The following DAB2IP variants were observed in gnomAD, a reference collection of about 807,000 sequenced individuals.
DAB2IP encodes disabled homolog 2-interacting protein.
DAB2IP carries 28 observed loss-of-function variants against 107.2 expected under a neutral mutation model. The observed-to-expected ratio is 0.26, with a 90% CI of 0.19 to 0.36. The LOEUF is 0.36. Ranked by LOEUF, DAB2IP falls within the 10% of genes least tolerant of loss-of-function variation. The pLI is 1.00. For missense variants in DAB2IP, 1,400 were observed against 1,644.7 expected, an observed-to-expected ratio of 0.85 and a Z score of 2.57; for synonymous variants, 755 against 706.4, an observed-to-expected ratio of 1.07 and a Z score of -1.09.
At chr9:121,774,508 T>A in intron 13 of DAB2IP, 96 bp downstream of exon 13, 1 of 1,388,624 alleles carries the variant, frequency 7.2e-7, no homozygotes, top group East Asian at 2.5e-5. Flanking sequence ...CAACGGGTGC[T>A]GCTGTCCTTG....
chr9:121,783,300 C>G (rs1009780177), exon 16 of DAB2IP: 27 of 1,404,118 alleles, frequency 1.9e-5, no homozygotes, highest in African/African-American at 4.4e-5. Context: ...GGCTGATGCT[C>G]TAGGGCTCCC....
chr9:121,640,366 G>C (rs1832240251), intron 1 of DAB2IP, among the ~76,000 whole-genome samples: 1 of 152,102 alleles, frequency 6.6e-6, no homozygotes, highest in Admixed American at 6.5e-5. Flanking sequence ...TGTCAGGGGG[G>C]CGACAATGAG....
chr9:121,721,696 A>G (rs966899862), intron 3 of DAB2IP, among the ~76,000 whole-genome samples: 6 of 152,268 alleles, frequency 3.9e-5, no homozygotes, highest in African/African-American at 9.6e-5. Flanking sequence ...AAAAATGTCA[A>G]CACTGTGTGG....
chr9:121,652,472 A>G (rs10818578), intron 1 of DAB2IP, among the ~76,000 whole-genome samples: 30,411 of 152,006 alleles, frequency 0.2, 3,753 homozygotes, highest in South Asian at 0.32. Context: ...TTCCAGTAAC[A>G]GGATCCTCGG....
intron 3 of DAB2IP, among the ~76,000 whole-genome samples, chr9:121,740,151 G>A (rs1475993112): frequency 6.6e-6 from 1 of 152,154 alleles, no homozygotes; most frequent in African/African-American, 2.4e-5. Context: ...TTGAGGAGGG[G>A]AGGGCCAGGG....
intron 3 of DAB2IP, among the ~76,000 whole-genome samples, chr9:121,718,351 C>A (rs934826037): frequency 2.0e-5 from 3 of 152,236 alleles, no homozygotes; most frequent in Non-Finnish European, 2.9e-5. Context: ...TGCTTGCACA[C>A]CCCCATGTGT....
At chr9:121,679,957 C>T (rs544031739) in intron 2 of DAB2IP, among the ~76,000 whole-genome samples, 86 of 152,318 alleles carry the variant, frequency 5.6e-4, no homozygotes, top group Admixed American at 1.0e-3. Flanking sequence ...GGCTCCTCAT[C>T]CCTTGGGCAT....
intron 1 of DAB2IP, among the ~76,000 whole-genome samples, chr9:121,671,360 T>C (rs1833674160): frequency 6.6e-6 from 1 of 152,114 alleles, no homozygotes; most frequent in Admixed American, 6.5e-5. Context: ...AACAAATTCT[T>C]ATCATTAGAT....
chr9:121,577,805 C>T (rs771273990), intron 1 of DAB2IP, among the ~76,000 whole-genome samples: 5 of 152,152 alleles, frequency 3.3e-5, no homozygotes, highest in African/African-American at 7.2e-5. Flanking sequence ...AACAACAGCC[C>T]GAGGCAGCCA....
chr9:121,678,696 C>A, exon 2 of DAB2IP: 1 of 1,578,314 alleles, frequency 6.3e-7, no homozygotes, highest in East Asian at 2.4e-5. Flanking sequence ...CAAGAAAGGC[C>A]GGGCTCTCGG....
At chr9:121,575,761 A>G (rs564652278) in intron 1 of DAB2IP, among the ~76,000 whole-genome samples, 1 of 152,108 alleles carries the variant, frequency 6.6e-6, no homozygotes, top group Non-Finnish European at 1.5e-5. Context: ...TGCTGGGTGG[A>G]TACGCCCTGG....
At chr9:121,707,599 T>C (rs1013809504) in intron 3 of DAB2IP, among the ~76,000 whole-genome samples, 1 of 152,134 alleles carries the variant, frequency 6.6e-6, no homozygotes, top group African/African-American at 2.4e-5. Flanking sequence ...TGGGGAGAGA[T>C]AGAGATGGCA....
intron 3 of DAB2IP, among the ~76,000 whole-genome samples, chr9:121,755,937 G>A (rs928815214): frequency 6.6e-6 from 1 of 152,166 alleles, no homozygotes; most frequent in Non-Finnish European, 1.5e-5. Context: ...TTGGACCATT[G>A]GAACCAGGAG....
intron 8 of DAB2IP, among the ~76,000 whole-genome samples, chr9:121,765,104 G>A (rs886252866): frequency 1.3e-5 from 2 of 152,236 alleles, no homozygotes; most frequent in Non-Finnish European, 2.9e-5. Context: ...GGCCACAAAT[G>A]TGCAGCTTTC....
intron 1 of DAB2IP, among the ~76,000 whole-genome samples, chr9:121,642,586 A>G (rs1471613602): frequency 6.8e-6 from 1 of 146,058 alleles, no homozygotes; most frequent in Non-Finnish European, 1.5e-5. Flanking sequence ...TGGCCTTCCA[A>G]AGTGCTGGAA....
At chr9:121,622,267 C>T (rs1321984485) in intron 1 of DAB2IP, among the ~76,000 whole-genome samples, 1 of 152,230 alleles carries the variant, frequency 6.6e-6, no homozygotes, top group East Asian at 1.9e-4. Context: ...GGATTACAGG[C>T]GTGAGCCACC....
intron 1 of DAB2IP, among the ~76,000 whole-genome samples, chr9:121,665,511 T>A (rs1019093701): frequency 1.3e-5 from 2 of 152,202 alleles, no homozygotes; most frequent in African/African-American, 4.8e-5. Flanking sequence ...GTGCTATAAT[T>A]AGAATTTATA....
intron 3 of DAB2IP, among the ~76,000 whole-genome samples, chr9:121,737,989 G>C (rs984269911): frequency 1.3e-5 from 2 of 152,040 alleles, no homozygotes; most frequent in African/African-American, 4.8e-5. Context: ...TGCTAAACTG[G>C]TTCCTCCTCC....
chr9:121,783,910 G>T, exon 16 of DAB2IP: 1 of 309,274 alleles, frequency 3.2e-6, no homozygotes, highest in Non-Finnish European at 6.2e-6. Flanking sequence ...CAAAGGCCCT[G>T]GGTAAGAAGG....
Sources: gnomAD v4.1 joint callset for allele counts (sites outside exome capture counted in the v4.1 genomes callset) on GRCh38, gnomAD v4.1.1 for gene constraint, MANE v1.5 for transcripts, NCBI Gene and HGNC (gene_info 2026-07-23, HGNC 2026-07-21) for gene names.